The following TSHR variants were observed in gnomAD, a reference collection of about 807,000 sequenced individuals.
TSHR encodes thyrotropin receptor.
TSHR carries 51 observed loss-of-function variants against 64.1 expected under a neutral mutation model. That is an observed-to-expected ratio of 0.80 (90% confidence interval 0.64 to 1.01). The LOEUF (loss-of-function observed/expected upper bound fraction) is 1.01. TSHR is among the 50% of genes least tolerant of loss of function. TSHR has a pLI of 0.00. For synonymous variants in TSHR, 361 were observed against 361.9 expected (o/e 1.00, Z 0.03); for missense variants, 877 against 942.8 (o/e 0.93, Z 0.91).
rs752791414 is a variant in TSHR at position 81,139,680 on chromosome 14, G to A, written c.694G>A (p.Asp232Asn). 3.7e-6 allele frequency: 6 copies of A among 1,613,920 alleles called. No individual in the cohort carries two copies. In the Admixed American group the frequency reaches 8.3e-5, roughly 22 times the overall value. Residue 232 changes from aspartate (D) to asparagine (N), a missense_variant and splice_region_variant, in exon 9 of 10, where the codon GAC becomes AAC. Physicochemically the swap from Asp to Asn is conservative, Grantham distance 23. Transcript: ENST00000298171. The part of the protein sequence containing the change: ...GGVYSGPSLL[D>N]VSQTSVTALP... The stretch of plus-strand genomic sequence containing the variant: ...ATTTTTCTGTTCTCTGCCTCCCAGG[G>A]ACGTGTCTCAAACCAGTGTCACTGC...
At chr14:80,980,477 T>G (rs922914754) in intron 1 of TSHR, among the ~76,000 whole-genome samples, 1 of 152,256 alleles carries the variant, frequency 6.6e-6, no homozygotes, top group Non-Finnish European at 1.5e-5. Flanking sequence ...ACTGTTATTG[T>G]ACCCTCTCTT....
chr14:81,131,304 C>T (rs1467158527), intron 8 of TSHR, among the ~76,000 whole-genome samples: 2 of 152,190 alleles, frequency 1.3e-5, no homozygotes, highest in Non-Finnish European at 2.9e-5. Context: ...CCACTGCTAC[C>T]ACCCTAGTCC....
intron 7 of TSHR, among the ~76,000 whole-genome samples, chr14:81,108,085 G>A (rs12885526): frequency 0.62 from 94,873 of 151,804 alleles, 30,080 homozygotes; most frequent in South Asian, 0.73. Context: ...GTTGCCACTG[G>A]CCTGAAAAAT....
At chr14:81,020,506 AG>A (rs1262161800) in intron 1 of TSHR, among the ~76,000 whole-genome samples, 1 of 152,216 alleles carries the variant, frequency 6.6e-6, no homozygotes, top group Non-Finnish European at 1.5e-5. Context: ...CGAGGGACCT[AG>A]ACTGCGTGTT....
chr14:81,036,484 A>T (rs1164476339), intron 1 of TSHR, among the ~76,000 whole-genome samples: 1 of 152,176 alleles, frequency 6.6e-6, no homozygotes, highest in Non-Finnish European at 1.5e-5. Flanking sequence ...GTCTACCTAG[A>T]ATACTACACC....
chr14:81,053,347 C>G (rs1014901939), intron 1 of TSHR: 1 of 152,230 alleles, frequency 6.6e-6, no homozygotes, highest in Non-Finnish European at 1.5e-5. Context: ...AACATCCTCA[C>G]AGACACAACA....
chr14:81,008,266 G>A (rs1448706370), intron 1 of TSHR, among the ~76,000 whole-genome samples: 4 of 151,368 alleles, frequency 2.6e-5, no homozygotes, highest in South Asian at 2.1e-4. Flanking sequence ...TCCGCTTCCC[G>A]GGTTCACGCC....
At position 81,143,918 on chromosome 14, in the gene TSHR, CA is replaced by C. The variant is rs1299460488; in HGVS notation, c.1864del (p.Ile622LeufsTer8). 2 of 1,614,076 alleles carry C rather than the reference CA, an allele frequency of 1.2e-6. No individual in the cohort carries two copies. Among genetic ancestry groups the C allele is most frequent in the Admixed American group, 1.7e-5 (1 of 60,004 alleles). On this transcript the variant is annotated frameshift_variant, in exon 10 of 10. Transcript: ENST00000298171. LOFTEE classifies it high-confidence loss of function. ...AGTACAACCCAGGGGACAAAGATAC[CA>C]AAATTGCCAAGAGGATGGCTGTGTT... ...PQYNPGDKDT[K>X]IAKRMAVLIF...
At chr14:81,071,238 C>G (rs1164977280) in intron 3 of TSHR, among the ~76,000 whole-genome samples, 1 of 152,120 alleles carries the variant, frequency 6.6e-6, no homozygotes, top group Non-Finnish European at 1.5e-5. Context: ...TAATTGTCAA[C>G]ATTAGAAATA....
At chr14:81,128,342 G>A (rs1241018547) in intron 8 of TSHR, among the ~76,000 whole-genome samples, 4 of 152,110 alleles carry the variant, frequency 2.6e-5, no homozygotes, top group South Asian at 2.1e-4. Context: ...TAAGTCCCCC[G>A]AGGTCACCTG....
chr14:80,971,577 A>G (rs1887590431), intron 1 of TSHR, among the ~76,000 whole-genome samples: 1 of 152,170 alleles, frequency 6.6e-6, no homozygotes, highest in African/African-American at 2.4e-5. Flanking sequence ...GTTAAAGTGC[A>G]TTGTCATTCA....
At chr14:81,060,028 C>G (rs1446067170) in intron 1 of TSHR, among the ~76,000 whole-genome samples, 3 of 152,040 alleles carry the variant, frequency 2.0e-5, no homozygotes, top group African/African-American at 7.2e-5. Context: ...TATTTCTGTT[C>G]CAGGTTAATT....
At chr14:81,014,830 CA>C (rs1261395112) in intron 1 of TSHR, among the ~76,000 whole-genome samples, 1 of 152,200 alleles carries the variant, frequency 6.6e-6, no homozygotes, top group Non-Finnish European at 1.5e-5. Context: ...GTTCTTCATG[CA>C]GATAGTTTTG....
At chr14:81,054,567 T>A (rs1885639941) in intron 1 of TSHR, among the ~76,000 whole-genome samples, 1 of 152,126 alleles carries the variant, frequency 6.6e-6, no homozygotes, top group Non-Finnish European at 1.5e-5. Flanking sequence ...GACAATGACA[T>A]GGACAATGAA....
chr14:80,979,922 A>G (rs897913084), intron 1 of TSHR, among the ~76,000 whole-genome samples: 2 of 152,066 alleles, frequency 1.3e-5, no homozygotes, highest in Non-Finnish European at 2.9e-5. Flanking sequence ...TGTACTGCGG[A>G]TGGGGTCTCG....
chr14:81,088,653 GC>G (rs1328915720), intron 4 of TSHR, among the ~76,000 whole-genome samples: 1 of 152,096 alleles, frequency 6.6e-6, no homozygotes, highest in Non-Finnish European at 1.5e-5. Flanking sequence ...ATGACCTCAG[GC>G]CCCCTGGATA....
At chr14:80,986,919 C>T (rs567017209) in intron 1 of TSHR, among the ~76,000 whole-genome samples, 1 of 152,320 alleles carries the variant, frequency 6.6e-6, no homozygotes, top group Non-Finnish European at 1.5e-5. Context: ...TGCACAAAGT[C>T]CACCACATTG....
intron 1 of TSHR, among the ~76,000 whole-genome samples, chr14:81,061,019 G>T (rs975072860): frequency 6.6e-6 from 1 of 152,050 alleles, no homozygotes; most frequent in East Asian, 1.9e-4. Context: ...CAAACTGGAG[G>T]AAAAGTCACA....
rs1277933830 is a variant in TSHR, at chr14:81,145,940, G to A, written c.*1587G>A. The A allele has an allele frequency of 3.0e-5, 7 of 232,006 alleles. No individual in the cohort carries two copies. Among genetic ancestry groups the A allele is most frequent in the South Asian group, 1.8e-4 (1 of 5,518 alleles). The allele number at this position is 232,006 out of a possible 1,614,324, so 14.4% of individuals were successfully genotyped here. On this transcript the variant is annotated 3_prime_UTR_variant, in exon 10 of 10. Coordinates refer to ENST00000298171, the MANE Select transcript of TSHR (RefSeq NM_000369.5). ...TGTTGTTTTAAGATTGTGAAGTGTC[G>A]TTAATGGGTCCCCACAGATGGTCCC...
Sources: gnomAD v4.1 joint callset for allele counts (sites outside exome capture counted in the v4.1 genomes callset) on GRCh38, gnomAD v4.1.1 for gene constraint, MANE v1.5 for transcripts, NCBI Gene and HGNC (gene_info 2026-07-23, HGNC 2026-07-21) for gene names.